Variants in MCTP1 observed in about 807,000 individuals in gnomAD.
The protein encoded by MCTP1 is multiple C2 and transmembrane domain containing 1.
Under a neutral mutation model 120.6 loss-of-function variants are expected in MCTP1, and 69 were observed. The observed-to-expected ratio is 0.57, with a 90% CI of 0.47 to 0.70. The LOEUF (loss-of-function observed/expected upper bound fraction) is 0.70, where lower values mean the gene tolerates loss of function less well. MCTP1 is among the 30% of genes least tolerant of loss of function. The pLI, the probability that MCTP1 is intolerant of heterozygous loss-of-function variation, is 0.00. For synonymous variants in MCTP1, 529 were observed against 493.1 expected (o/e 1.07, Z -0.96); for missense variants, 1,203 against 1,248.8 (o/e 0.96, Z 0.55).
chr5:95,077,519 C>A (rs1303640657), intron 1 of MCTP1, among the ~76,000 whole-genome samples: 1 of 151,916 alleles, frequency 6.6e-6, no homozygotes, highest in Non-Finnish European at 1.5e-5. Context: ...GTCGCCCAGG[C>A]TGGAGTGCAG....
chr5:95,260,351 A>G (rs994522039), intron 1 of MCTP1, among the ~76,000 whole-genome samples: 9 of 152,164 alleles, frequency 5.9e-5, no homozygotes, highest in Admixed American at 1.3e-4. Flanking sequence ...AAAATAGACA[A>G]TTGCAAAAAC....
chr5:94,819,803 G>A (rs971941013), intron 17 of MCTP1, among the ~76,000 whole-genome samples: 2 of 152,208 alleles, frequency 1.3e-5, no homozygotes, highest in African/African-American at 2.4e-5. Flanking sequence ...GACTCCTGCA[G>A]CTTTTAGGAA....
At position 94,784,328 on chromosome 5, in the gene MCTP1, C is replaced by T. The variant is rs542021029; in HGVS notation, c.2557-5165G>A. 3.3e-5 allele frequency among the ~76,000 whole-genome samples: 5 copies of T among 152,028 alleles called. No individual in the cohort carries two copies. The South Asian group carries it at 6.2e-4, about 19-fold the overall frequency. On this transcript the variant is annotated intron_variant, in intron 18 of 22. Transcript: ENST00000515393. Reference sequence around the variant, plus strand: ...TTTATGTGCCAATTGGTTTATTATACGTGTAAGTATGATATGAAATGATGG... The same window carrying T: ...TTTATGTGCCAATTGGTTTATTATATGTGTAAGTATGATATGAAATGATGG...
intron 1 of MCTP1, among the ~76,000 whole-genome samples, chr5:95,056,861 C>T (rs1170729070): frequency 2.6e-5 from 4 of 151,852 alleles, no homozygotes; most frequent in Non-Finnish European, 4.4e-5. Context: ...TCCTTCATCC[C>T]AATACACACA....
At chr5:95,216,889 A>G (rs1753101726) in intron 1 of MCTP1, among the ~76,000 whole-genome samples, 1 of 152,214 alleles carries the variant, frequency 6.6e-6, no homozygotes, top group Non-Finnish European at 1.5e-5. Context: ...AGTACAAGAG[A>G]GCAGCCAGTA....
chr5:94,739,688 G>A (rs767904104), intron 19 of MCTP1, among the ~76,000 whole-genome samples: 31 of 152,128 alleles, frequency 2.0e-4, no homozygotes, highest in Admixed American at 3.3e-4. Context: ...TGTTTGAGAC[G>A]GAGTCTTACT....
intron 1 of MCTP1, among the ~76,000 whole-genome samples, chr5:95,020,219 T>G (rs1371767964): frequency 6.6e-6 from 1 of 152,048 alleles, no homozygotes; most frequent in Non-Finnish European, 1.5e-5. Flanking sequence ...TGTTCAGTGC[T>G]TCTTGAAGTT....
chr5:94,786,695 T>A (rs1279848667), intron 18 of MCTP1, among the ~76,000 whole-genome samples: 1 of 152,220 alleles, frequency 6.6e-6, no homozygotes, highest in Non-Finnish European at 1.5e-5. Context: ...AATTAGTGTA[T>A]AATGCATTTA....
At chr5:94,777,421 C>T (rs368094900) in intron 19 of MCTP1, among the ~76,000 whole-genome samples, 1 of 152,032 alleles carries the variant, frequency 6.6e-6, no homozygotes, top group African/African-American at 2.4e-5. Context: ...GGCCATAAAA[C>T]GGGGAGAGAT....
chr5:95,009,926 C>T (rs1835579115), intron 2 of MCTP1, among the ~76,000 whole-genome samples: 1 of 152,174 alleles, frequency 6.6e-6, no homozygotes, highest in Admixed American at 6.6e-5. Context: ...GCTGCTGAGC[C>T]ACTTCAGTGC....
intron 19 of MCTP1, among the ~76,000 whole-genome samples, chr5:94,747,752 A>G (rs1289192363): frequency 6.6e-6 from 1 of 151,962 alleles, no homozygotes; most frequent in Non-Finnish European, 1.5e-5. Flanking sequence ...TAACTATTAT[A>G]CTAACTGGAT....
chr5:95,229,995 T>G (rs1456719393), intron 1 of MCTP1, among the ~76,000 whole-genome samples: 1 of 152,056 alleles, frequency 6.6e-6, no homozygotes, highest in African/African-American at 2.4e-5. Flanking sequence ...CCCAGCATAA[T>G]GGAGAAGAAA....
At position 94,894,845 on chromosome 5, in the gene MCTP1, A is replaced by T; in HGVS notation, c.1653-10T>A. On this transcript the variant is annotated splice_polypyrimidine_tract_variant and intron_variant, in intron 10 of 22. Coordinates refer to ENST00000515393, the MANE Select transcript of MCTP1 (RefSeq NM_024717.7). ...CAGGTCGACCTGGCACCTAGAGACA[A>T]ATGTTTTGAATCAGCAAGTGGCTTT... 1 of 1,498,888 alleles carries T rather than the reference A, an allele frequency of 6.7e-7. No homozygotes were observed. Among genetic ancestry groups the T allele is most frequent in the Non-Finnish European group, 9.0e-7 (1 of 1,117,112 alleles). The allele number at this position is 1,498,888 out of a possible 1,614,324, so 92.8% of individuals were successfully genotyped here.
In MCTP1 at chr5:94,708,591, T is replaced by TA; in HGVS notation, c.2848_2849insT (p.Lys950IlefsTer10). 6.2e-7 allele frequency: 1 copy of TA among 1,609,036 alleles called. No homozygotes were observed. Among genetic ancestry groups the TA allele is most frequent in the Non-Finnish European group, 8.5e-7 (1 of 1,176,146 alleles). ...AATTGCATATGGACTCCGAAGCTTT[T>TA]TTGTAAATTTATTGATGCCTGAAAC... is the stretch of plus-strand genomic sequence containing the variant. On this transcript the variant is annotated frameshift_variant, in exon 22 of 23. Coordinates refer to ENST00000515393, the MANE Select transcript of MCTP1 (RefSeq NM_024717.7). LOFTEE classifies it high-confidence loss of function.
intron 1 of MCTP1, among the ~76,000 whole-genome samples, chr5:95,238,354 A>T (rs1755783348): frequency 6.6e-6 from 1 of 152,188 alleles, no homozygotes; most frequent in Non-Finnish European, 1.5e-5. Flanking sequence ...TACCAAATGT[A>T]ATAGAATTGC....
chr5:94,865,639 ACATTT>A (rs1410662693), intron 17 of MCTP1, among the ~76,000 whole-genome samples: 1 of 151,948 alleles, frequency 6.6e-6, no homozygotes, highest in Non-Finnish European at 1.5e-5. Context: ...AATCTTTGAA[ACATTT>A]CATTTTTAAA....
At chr5:95,046,208 A>T (rs1193358602) in intron 1 of MCTP1, among the ~76,000 whole-genome samples, 2 of 152,166 alleles carry the variant, frequency 1.3e-5, no homozygotes, top group Admixed American at 6.5e-5. Flanking sequence ...ACAGATAGAG[A>T]TGCCATAATT....
At chr5:95,005,803 T>G (rs1834620347) in intron 2 of MCTP1, among the ~76,000 whole-genome samples, 1 of 152,024 alleles carries the variant, frequency 6.6e-6, no homozygotes, top group South Asian at 2.1e-4. Context: ...CTCAGGTAGT[T>G]CTTTATAGCA....
At position 94,735,966 on chromosome 5, in the gene MCTP1, G is replaced by A. The variant is rs564546870; in HGVS notation, c.2611-21080C>T. On this transcript the variant is annotated intron_variant, in intron 19 of 22. Transcript: ENST00000515393. ...ACAGGCTATAGAGCCAATCACCTTG[G>A]GTTTGGACAGACCTTGGTTTCAACC... 1.6e-4 allele frequency among the ~76,000 whole-genome samples: 25 copies of A among 152,236 alleles called. 1 individual carries two copies. In the South Asian group the frequency reaches 4.8e-3, roughly 29 times the overall value.
Sources: allele counts gnomAD v4.1 joint callset (sites outside exome capture counted in the v4.1 genomes callset), GRCh38; gene constraint gnomAD v4.1.1; transcripts MANE v1.5; gene names NCBI Gene and HGNC (gene_info 2026-07-23, HGNC 2026-07-21).